Variants in RNF144A observed in about 807,000 individuals in gnomAD.
The protein encoded by RNF144A is ring finger protein 144A.
RNF144A carries 11 observed loss-of-function variants against 38.7 expected under a neutral mutation model. That is an observed-to-expected ratio of 0.28 (90% CI 0.18 to 0.47). The LOEUF is 0.47. Ranked by LOEUF, RNF144A falls within the 20% of genes least tolerant of loss-of-function variation. The pLI, the probability that RNF144A is intolerant of heterozygous loss-of-function variation, is 0.99. For missense variants in RNF144A, 316 were observed against 377.2 expected (o/e 0.84, Z 1.34); for synonymous variants, 149 against 143.9 (o/e 1.04, Z -0.25).
intron 1 of RNF144A, among the ~76,000 whole-genome samples, chr2:6,929,359 T>C (rs1007946594): frequency 4.6e-5 from 7 of 152,156 alleles, no homozygotes; most frequent in African/African-American, 1.7e-4. Flanking sequence ...TGACATTTAT[T>C]TGTTGCACTT....
chr2:7,039,119 G>C, intron 8 of RNF144A, among the ~76,000 whole-genome samples: 1 of 151,864 alleles, frequency 6.6e-6, no homozygotes, highest in African/African-American at 2.4e-5. Context: ...TGGATGGATG[G>C]ATAGATGGAT....
intron 8 of RNF144A, among the ~76,000 whole-genome samples, chr2:7,038,176 G>A (rs1476173540): frequency 2.0e-5 from 3 of 152,212 alleles, no homozygotes; most frequent in Non-Finnish European, 4.4e-5. Context: ...AGGAAGGACA[G>A]GGGGCCAGGT....
chr2:6,949,952 T>C (rs1156656067), intron 2 of RNF144A, among the ~76,000 whole-genome samples: 1 of 152,056 alleles, frequency 6.6e-6, no homozygotes, highest in Admixed American at 6.5e-5. Context: ...ATTATTATTA[T>C]TATTATTTTT....
In RNF144A at chr2:7,041,134, T is replaced by C. The variant is rs1673018431; in HGVS notation, c.*1374T>C. On this transcript the variant is annotated 3_prime_UTR_variant, in exon 9 of 9. Transcript: ENST00000320892. ...ACTTCTAAAAATAACAGGCAAATAT[T>C]GTAGCTATATTACAGTGGGATTTTA... is the stretch of plus-strand genomic sequence containing the variant. 2.0e-6 allele frequency: 2 copies of C among 980,456 alleles called. No individual in the cohort carries two copies. Among genetic ancestry groups the C allele is most frequent in the Non-Finnish European group, 2.4e-6 (2 of 825,542 alleles). The allele number at this position is 980,456 out of a possible 1,614,324, so 60.7% of individuals were successfully genotyped here.
intron 2 of RNF144A, among the ~76,000 whole-genome samples, chr2:6,972,981 A>C (rs181067551): frequency 1.7e-4 from 26 of 152,342 alleles, no homozygotes; most frequent in Non-Finnish European, 3.2e-4. Context: ...ACTCTGTTTG[A>C]AGCTAGGCTC....
intron 2 of RNF144A, 87 bp from the exon 3 acceptor site, chr2:6,996,829 C>A: frequency 7.2e-7 from 1 of 1,393,444 alleles, no homozygotes; most frequent in Non-Finnish European, 9.9e-7. Flanking sequence ...CTCCCTGGGT[C>A]CCAGCTACAG....
At chr2:6,928,949 A>C (rs1665049605) in intron 1 of RNF144A, among the ~76,000 whole-genome samples, 1 of 152,192 alleles carries the variant, frequency 6.6e-6, no homozygotes, top group Non-Finnish European at 1.5e-5. Flanking sequence ...TTCCCTGAGC[A>C]GCTTGGCATT....
rs1473565027 is a variant in RNF144A, at chr2:6,999,069, A to G, written c.135+2008A>G. On this transcript the variant is annotated intron_variant, in intron 3 of 8. Coordinates refer to ENST00000320892, the MANE Select transcript of RNF144A (RefSeq NM_014746.6). ...TTCTAGAGAATTGTAGTAAAAACAA[A>G]TAAGCCACTCAAATTGAGACCAAAA... Among the ~76,000 whole-genome samples the G allele has an allele frequency of 2.0e-5, 3 of 152,238 alleles. No individual in the cohort carries two copies. In the South Asian group the frequency reaches 6.2e-4, roughly 32 times the overall value.
intron 1 of RNF144A, among the ~76,000 whole-genome samples, chr2:6,934,858 C>T (rs889914887): frequency 2.6e-5 from 4 of 152,168 alleles, no homozygotes; most frequent in African/African-American, 9.7e-5. Context: ...TAACCTGTTT[C>T]TTCTTCTGTA....
At chr2:6,987,063 G>T (rs1478333658) in intron 2 of RNF144A, among the ~76,000 whole-genome samples, 9 of 152,092 alleles carry the variant, frequency 5.9e-5, no homozygotes, top group Admixed American at 5.9e-4. Context: ...GCGTGGCTGT[G>T]TCTGGGTCCT....
rs1672975359 is a variant in RNF144A at position 7,040,392 on chromosome 2, T to C, written c.*632T>C. ...AAAGCCTTATGCACTCTTTGTGTTT[T>C]TCTTGAAACTTGCTGTAGTAACTTT... On this transcript the variant is annotated 3_prime_UTR_variant, in exon 9 of 9. Coordinates refer to ENST00000320892, the MANE Select transcript of RNF144A (RefSeq NM_014746.6). 3 of 985,490 alleles carry C rather than the reference T, an allele frequency of 3.0e-6. No individual in the cohort carries two copies. Among genetic ancestry groups the C allele is most frequent in the Non-Finnish European group, 3.6e-6 (3 of 829,960 alleles). The allele number at this position is 985,490 out of a possible 1,614,324, so 61.0% of individuals were successfully genotyped here.
chr2:6,931,182 G>T (rs1348093874), intron 1 of RNF144A, among the ~76,000 whole-genome samples: 1 of 152,214 alleles, frequency 6.6e-6, no homozygotes, highest in Non-Finnish European at 1.5e-5. Flanking sequence ...AGCAGAGAAG[G>T]CAAGACTGTG....
chr2:7,069,707 G>A (rs951015718), downstream of RNF144A, among the ~76,000 whole-genome samples: 3 of 152,180 alleles, frequency 2.0e-5, no homozygotes, highest in Non-Finnish European at 2.9e-5. Context: ...TTGGAGAGTT[G>A]AGCACAGGTA....
chr2:7,069,643 T>C (rs1330412459), downstream of RNF144A, among the ~76,000 whole-genome samples: 1 of 152,222 alleles, frequency 6.6e-6, no homozygotes, highest in African/African-American at 2.4e-5. Flanking sequence ...ATGAATCTTA[T>C]CCATTTGTAA....
chr2:6,966,108 A>G (rs1667652245), intron 2 of RNF144A, among the ~76,000 whole-genome samples: 1 of 152,238 alleles, frequency 6.6e-6, no homozygotes, highest in African/African-American at 2.4e-5. Flanking sequence ...TGGTTTAAAT[A>G]GACTGTGTGA....
chr2:6,954,643 A>G (rs1666885971), intron 2 of RNF144A, among the ~76,000 whole-genome samples: 1 of 152,230 alleles, frequency 6.6e-6, no homozygotes, highest in Non-Finnish European at 1.5e-5. Context: ...AGCATCAAAG[A>G]AGATGGGAAC....
chr2:6,929,400 C>G (rs1428215593), intron 1 of RNF144A, among the ~76,000 whole-genome samples: 2 of 152,124 alleles, frequency 1.3e-5, no homozygotes, highest in African/African-American at 4.8e-5. Flanking sequence ...GAGCTGGGCT[C>G]CTGGAGCTAA....
chr2:7,035,013 G>A (rs1672574182), intron 8 of RNF144A, among the ~76,000 whole-genome samples: 1 of 152,202 alleles, frequency 6.6e-6, no homozygotes, highest in African/African-American at 2.4e-5. Context: ...GGCATAACCT[G>A]AAGACTTCTG....
chr2:7,064,946 C>T (rs1258099057), intron 6 of RNF144A, among the ~76,000 whole-genome samples: 1 of 152,150 alleles, frequency 6.6e-6, no homozygotes, highest in Non-Finnish European at 1.5e-5. Flanking sequence ...CCTGAGAACT[C>T]GGGGCAGTAG....
Sources: gnomAD v4.1 joint callset for allele counts (sites outside exome capture counted in the v4.1 genomes callset) on GRCh38, gnomAD v4.1.1 for gene constraint, MANE v1.5 for transcripts, NCBI Gene and HGNC (gene_info 2026-07-23, HGNC 2026-07-21) for gene names.